The following USP32 variants were observed in gnomAD, a reference collection of about 807,000 sequenced individuals.
USP32 encodes the protein ubiquitin carboxyl-terminal hydrolase 32.
USP32 carries 59 observed loss-of-function variants against 204.8 expected under a neutral mutation model. The observed-to-expected ratio is 0.29, with a 90% CI of 0.23 to 0.36. USP32 has a LOEUF of 0.36. USP32 is among the 10% of genes least tolerant of loss of function. The probability of loss-of-function intolerance (pLI) is 1.00; values close to 1 mark genes in which losing one functional copy is unlikely to be tolerated. For missense variants in USP32, 1,160 were observed against 1,946.4 expected (o/e 0.60, Z 7.60); for synonymous variants, 517 against 678.4 (o/e 0.76, Z 3.70).
chr17:60,286,970 A>G (rs936925169), intron 5 of USP32, among the ~76,000 whole-genome samples: 1 of 152,156 alleles, frequency 6.6e-6, no homozygotes, highest in Non-Finnish European at 1.5e-5. Context: ...CAACATGGTG[A>G]AACCCCTTCT....
At chr17:60,249,532 G>C (rs2086115538) in intron 11 of USP32, 1 of 496,778 alleles carries the variant, frequency 2.0e-6, no homozygotes. Flanking sequence ...TTACCACCAT[G>C]ATGGTATGTA....
chr17:60,277,141 T>C (rs930214960), intron 5 of USP32, among the ~76,000 whole-genome samples: 1 of 152,170 alleles, frequency 6.6e-6, no homozygotes, highest in Non-Finnish European at 1.5e-5. Context: ...AAGAATGAAT[T>C]TATCACCCAC....
At chr17:60,296,613 G>A (rs997592567) in intron 3 of USP32, among the ~76,000 whole-genome samples, 10 of 152,074 alleles carry the variant, frequency 6.6e-5, no homozygotes, top group African/African-American at 2.2e-4. Flanking sequence ...CCAGTTTGTG[G>A]TGCTTTGTTA....
chr17:60,262,478 C>G (rs138329623), intron 9 of USP32, among the ~76,000 whole-genome samples: 1 of 152,312 alleles, frequency 6.6e-6, no homozygotes, highest in East Asian at 1.9e-4. Context: ...AGGCGTGAGC[C>G]ACCATGCCCA....
At chr17:60,253,891 G>C (rs1205386396) in intron 10 of USP32, among the ~76,000 whole-genome samples, 2 of 152,124 alleles carry the variant, frequency 1.3e-5, no homozygotes, top group African/African-American at 2.4e-5. Flanking sequence ...CCATCGACTT[G>C]AATCTATGCT....
intron 1 of USP32, among the ~76,000 whole-genome samples, chr17:60,364,908 A>T (rs544248684): frequency 6.6e-6 from 1 of 152,348 alleles, no homozygotes; most frequent in South Asian, 2.1e-4. Flanking sequence ...CCCAAATTTT[A>T]TATTTGTAAA....
At chr17:60,348,536 A>G (rs2088844886) in intron 1 of USP32, among the ~76,000 whole-genome samples, 1 of 152,202 alleles carries the variant, frequency 6.6e-6, no homozygotes, top group East Asian at 1.9e-4. Context: ...GCACTTTGGG[A>G]GGCCAAGGCA....
chr17:60,234,753 G>T (rs7219383), intron 12 of USP32, among the ~76,000 whole-genome samples: 30,974 of 150,562 alleles, frequency 0.21, 7,853 homozygotes, highest in African/African-American at 0.61. Context: ...ATTTTTTTTT[G>T]TTTTGTAGAG....
At chr17:60,194,045 T>C (rs1319849807) in intron 27 of USP32, among the ~76,000 whole-genome samples, 1 of 152,022 alleles carries the variant, frequency 6.6e-6, no homozygotes, top group Non-Finnish European at 1.5e-5. Flanking sequence ...TGCAGACTTT[T>C]TCCATTTTTT....
upstream of USP32, chr17:60,392,203 T>G: frequency 1.0e-5 from 4 of 384,530 alleles, no homozygotes; most frequent in Admixed American, 4.6e-5. Context: ...CTCCTCCCTC[T>G]CCTTCCCTCC....
intron 1 of USP32, among the ~76,000 whole-genome samples, chr17:60,377,445 A>C (rs1413206760): frequency 1.3e-5 from 2 of 152,218 alleles, no homozygotes; most frequent in East Asian, 3.8e-4. Context: ...CTACTCCAAT[A>C]ACACACATAA....
At chr17:60,266,710 C>T (rs2086601731) in intron 7 of USP32, among the ~76,000 whole-genome samples, 1 of 148,938 alleles carries the variant, frequency 6.7e-6, no homozygotes, top group South Asian at 2.1e-4. Context: ...GGCTGTGGTG[C>T]AGTGGAATGA....
chr17:60,222,857 T>C (rs2085290196), intron 14 of USP32, among the ~76,000 whole-genome samples: 1 of 151,832 alleles, frequency 6.6e-6, no homozygotes, highest in Admixed American at 6.6e-5. Context: ...AATTTTTGTA[T>C]TTTTAGTAGA....
rs1037024595 is a variant in USP32 at position 60,219,898 on chromosome 17, G to T, written c.1750-111C>A. The T allele has an allele frequency of 7.5e-4, 762 of 1,017,714 alleles. 1 individual carries two copies. Among genetic ancestry groups the T allele is most frequent in the Non-Finnish European group, 9.7e-4 (703 of 721,740 alleles). The allele number at this position is 1,017,714 out of a possible 1,614,324, so 63.0% of individuals were successfully genotyped here. A position where few individuals can be genotyped will look rare whatever the true frequency, so the allele number is the denominator to read the frequency against. On this transcript the variant is annotated intron_variant, in intron 15 of 33. Transcript: ENST00000300896. ...ACCAAAATGTCCAACAAGTTCACTA[G>T]CTACATTTCAGTAATTACTGAAACT...
At chr17:60,187,444 G>A (rs1181193781) in intron 29 of USP32, among the ~76,000 whole-genome samples, 1 of 152,158 alleles carries the variant, frequency 6.6e-6, no homozygotes. Flanking sequence ...GGTCACTCAA[G>A]GAAAAAACTG....
intron 2 of USP32, among the ~76,000 whole-genome samples, chr17:60,309,128 T>C (rs2087796245): frequency 6.6e-6 from 1 of 151,972 alleles, no homozygotes; most frequent in Non-Finnish European, 1.5e-5. Context: ...AAAGCAAAAA[T>C]AGACAAATGG....
intron 28 of USP32, among the ~76,000 whole-genome samples, chr17:60,191,400 TAAAAAAA>T (rs1158204624): frequency 7.5e-4 from 44 of 58,414 alleles, no homozygotes; most frequent in African/African-American, 1.3e-3. Flanking sequence ...AGACTCTGTT[TAAAAAAA>T]AAAAAAAAAA....
intron 7 of USP32, 60 bp downstream of exon 7, chr17:60,269,390 T>C (rs2145781925): frequency 1.6e-6 from 2 of 1,284,528 alleles, no homozygotes; most frequent in Non-Finnish European, 2.2e-6. Flanking sequence ...TTTACATTGA[T>C]GAAAACTGAT....
intron 33 of USP32, 38 bp from the exon 34 acceptor site, chr17:60,179,466 A>G: frequency 6.2e-7 from 1 of 1,608,768 alleles, no homozygotes; most frequent in African/African-American, 1.3e-5. Context: ...AAAAGCCATC[A>G]CTACTATGGC....
Sources: gnomAD v4.1 joint callset for allele counts (sites outside exome capture counted in the v4.1 genomes callset) on GRCh38, gnomAD v4.1.1 for gene constraint, MANE v1.5 for transcripts, NCBI Gene and HGNC (gene_info 2026-07-23, HGNC 2026-07-21) for gene names.